RBFOX1: variants seen among roughly 807,000 people sequenced by gnomAD.
RBFOX1 encodes RNA binding fox-1 homolog 1, also known as RNA binding protein fox-1 homolog 1.
Under a neutral mutation model 57.7 loss-of-function variants are expected in RBFOX1, and 8 were observed. The ratio of observed to expected loss-of-function variants is 0.14; its 90% CI spans 0.08 to 0.25. The LOEUF (loss-of-function observed/expected upper bound fraction) is 0.25, where lower values mean the gene tolerates loss of function less well. Among genes scored for constraint, RBFOX1 ranks in the 10% least tolerant of loss-of-function variants. The pLI is 1.00. For synonymous variants in RBFOX1, 326 were observed against 222.4 expected, an observed-to-expected ratio of 1.47 and a Z score of -4.15; for missense variants, 611 against 548.5, an observed-to-expected ratio of 1.11 and a Z score of -1.14.
intron 2 of RBFOX1, among the ~76,000 whole-genome samples, chr16:6,341,668 A>T (rs2152827948): frequency 6.6e-6 from 1 of 152,252 alleles, no homozygotes; most frequent in South Asian, 2.1e-4. Flanking sequence ...TATGCTGTAT[A>T]TAAACAAGCA....
chr16:5,335,211 C>A (rs201288689), intron 1 of RBFOX1, among the ~76,000 whole-genome samples: 1 of 151,008 alleles, frequency 6.6e-6, no homozygotes, highest in African/African-American at 2.4e-5. Flanking sequence ...GGTTCTTTAT[C>A]TTTTTTCTCA....
At chr16:5,924,988 C>T (rs2058912035) in intron 4 of RBFOX1, among the ~76,000 whole-genome samples, 1 of 152,118 alleles carries the variant, frequency 6.6e-6, no homozygotes, top group South Asian at 2.1e-4. Context: ...TCTTCCTTGG[C>T]TTTTTTAGTT....
At chr16:6,664,198 C>T (rs1474208698) in intron 3 of RBFOX1, among the ~76,000 whole-genome samples, 1 of 151,828 alleles carries the variant, frequency 6.6e-6, no homozygotes, top group East Asian at 1.9e-4. Context: ...AGATCTAACA[C>T]CAGCAAAGCT....
At chr16:5,638,109 C>T (rs376469137) in intron 3 of RBFOX1, among the ~76,000 whole-genome samples, 3 of 152,142 alleles carry the variant, frequency 2.0e-5, no homozygotes, top group African/African-American at 7.2e-5. Context: ...CAGAGAAGTT[C>T]CCATTCATAG....
chr16:5,901,089 C>T (rs1380230838), intron 4 of RBFOX1, among the ~76,000 whole-genome samples: 1 of 152,164 alleles, frequency 6.6e-6, no homozygotes, highest in Admixed American at 6.5e-5. Flanking sequence ...TGTGCTGTGA[C>T]TAGTGTCAGG....
chr16:7,436,583 G>T (rs942603296), intron 4 of RBFOX1, among the ~76,000 whole-genome samples: 2 of 152,188 alleles, frequency 1.3e-5, no homozygotes, highest in Non-Finnish European at 2.9e-5. Context: ...ATAAACTGAG[G>T]CTCCATGAGG....
intron 2 of RBFOX1, among the ~76,000 whole-genome samples, chr16:6,525,114 C>G (rs1041079961): frequency 2.6e-5 from 4 of 152,132 alleles, no homozygotes; most frequent in Non-Finnish European, 5.9e-5. Context: ...AACTGTAAAA[C>G]AGAGATATTT....
At chr16:7,657,682 AG>A (rs1331701712) in intron 12 of RBFOX1, among the ~76,000 whole-genome samples, 2 of 152,204 alleles carry the variant, frequency 1.3e-5, no homozygotes, top group Non-Finnish European at 2.9e-5. Context: ...ATGCAGCTGA[AG>A]AACATCGGTT....
At chr16:6,173,650 C>T (rs1370339944) in intron 1 of RBFOX1, among the ~76,000 whole-genome samples, 1 of 124,958 alleles carries the variant, frequency 8.0e-6, no homozygotes, top group African/African-American at 3.0e-5. Context: ...CATTCTGTCA[C>T]TCAGGCTGGA....
At chr16:6,954,547 T>C (rs958717320) in intron 3 of RBFOX1, among the ~76,000 whole-genome samples, 8 of 152,196 alleles carry the variant, frequency 5.3e-5, no homozygotes, top group African/African-American at 1.7e-4. Flanking sequence ...CCAACTGTCC[T>C]CACCTGTTGT....
At chr16:5,971,660 C>T (rs973536381) in intron 4 of RBFOX1, among the ~76,000 whole-genome samples, 7 of 152,088 alleles carry the variant, frequency 4.6e-5, no homozygotes, top group Non-Finnish European at 5.9e-5. Flanking sequence ...GATAATGATG[C>T]CTTCCCTAGG....
At chr16:6,606,581 T>G (rs1215567974) in intron 2 of RBFOX1, among the ~76,000 whole-genome samples, 1 of 152,170 alleles carries the variant, frequency 6.6e-6, no homozygotes, top group Non-Finnish European at 1.5e-5. Flanking sequence ...GTGTTCTCAT[T>G]GTTCAGCTCC....
chr16:7,062,332 A>G (rs1308489176), intron 4 of RBFOX1, among the ~76,000 whole-genome samples: 6 of 150,502 alleles, frequency 4.0e-5, no homozygotes, highest in African/African-American at 1.5e-4. Flanking sequence ...AAAAAAAAAA[A>G]AAAAAAGAAA....
chr16:6,502,338 C>T (rs192121758), intron 2 of RBFOX1, among the ~76,000 whole-genome samples: 20 of 152,216 alleles, frequency 1.3e-4, no homozygotes, highest in African/African-American at 2.2e-4. Flanking sequence ...AGCTCTGTGA[C>T]GTTCCCTAGG....
chr16:6,813,084 G>T (rs1234778918), intron 3 of RBFOX1, among the ~76,000 whole-genome samples: 1 of 151,348 alleles, frequency 6.6e-6, no homozygotes, highest in East Asian at 1.9e-4. Context: ...AGAAAACCAT[G>T]AATATATTTT....
At chr16:5,732,564 G>C (rs2052418534) in intron 3 of RBFOX1, among the ~76,000 whole-genome samples, 2 of 152,190 alleles carry the variant, frequency 1.3e-5, no homozygotes, top group South Asian at 4.1e-4. Context: ...ACGATGGTTA[G>C]AATTCTAGCT....
At chr16:6,629,946 C>G (rs2098362156) in intron 2 of RBFOX1, among the ~76,000 whole-genome samples, 1 of 140,760 alleles carries the variant, frequency 7.1e-6, no homozygotes, top group South Asian at 2.3e-4. Context: ...TACATTTGGC[C>G]TTATTTCGGT....
At chr16:5,526,185 C>T (rs1404892870) in intron 2 of RBFOX1, among the ~76,000 whole-genome samples, 1 of 152,144 alleles carries the variant, frequency 6.6e-6, no homozygotes, top group Non-Finnish European at 1.5e-5. Context: ...GGGTTAATTT[C>T]ATTGTTATCC....
At chr16:7,200,250 G>A (rs1041422544) in intron 4 of RBFOX1, among the ~76,000 whole-genome samples, 2 of 152,158 alleles carry the variant, frequency 1.3e-5, no homozygotes, top group Non-Finnish European at 2.9e-5. Flanking sequence ...TGATACTGTG[G>A]TTCTGAGATT....
Sources: allele counts gnomAD v4.1 joint callset (sites outside exome capture counted in the v4.1 genomes callset), GRCh38; gene constraint gnomAD v4.1.1; transcripts MANE v1.5; gene names NCBI Gene and HGNC (gene_info 2026-07-23, HGNC 2026-07-21).